The following SUMF1 variants were observed in gnomAD, a reference collection of about 807,000 sequenced individuals.
The protein encoded by SUMF1 is formylglycine-generating enzyme.
Under a neutral mutation model 47.6 loss-of-function variants are expected in SUMF1, and 48 were observed. The observed-to-expected ratio is 1.01, with a 90% CI of 0.80 to 1.28. The LOEUF (loss-of-function observed/expected upper bound fraction) is 1.28. SUMF1 is among the 50% of genes most tolerant of loss of function. The pLI is 0.00. For missense variants in SUMF1, 571 were observed against 485.4 expected (o/e 1.18, Z -1.66); for synonymous variants, 230 against 192.1 (o/e 1.20, Z -1.63).
At chr3:4,465,789 C>G (rs2079929146) in intron 1 of SUMF1, among the ~76,000 whole-genome samples, 1 of 152,150 alleles carries the variant, frequency 6.6e-6, no homozygotes, top group African/African-American at 2.4e-5. Flanking sequence ...GAGACATCAG[C>G]AGAAAAACAT....
In SUMF1 at chr3:4,236,041, C is replaced by G. The variant is rs535153486; in HGVS notation, c.1014+140289G>C. Among the ~76,000 whole-genome samples the G allele has an allele frequency of 7.9e-4, 120 of 151,938 alleles. 1 individual carries two copies. In the South Asian group the frequency reaches 0.024, roughly 31 times the overall value. ...CACCATAACCTCTACCTACCTGTCTCAAGCCATTCCCCTACCTTAGCCCCC... is the reference window on the plus strand; with the variant it reads ...CACCATAACCTCTACCTACCTGTCTGAAGCCATTCCCCTACCTTAGCCCCC... On this transcript the variant is annotated intron_variant and NMD_transcript_variant, in intron 8 of 12. Coordinates refer to the SUMF1 transcript ENST00000448413.
chr3:4,197,737 T>G (rs552401703), intron 8 of SUMF1, among the ~76,000 whole-genome samples: 1 of 152,234 alleles, frequency 6.6e-6, no homozygotes, highest in East Asian at 1.9e-4. Context: ...TCAGTAAACA[T>G]TTATGTCAAA....
chr3:4,273,746 A>AGGGAGGATACGGGAGGGAGGATACGGGAG (rs1697352796), intron 8 of SUMF1, among the ~76,000 whole-genome samples: 1 of 9,680 alleles, frequency 1.0e-4, no homozygotes, highest in East Asian at 1.2e-3. Flanking sequence ...AGGATACGGG[A>AGGGAGGATACGGGAGGGAGGATACGGGAG]GGGAGGATAC....
At chr3:4,457,009 C>CGTGTGTGTATATATATAT (rs1559313221) in intron 1 of SUMF1, among the ~76,000 whole-genome samples, 1 of 64,686 alleles carries the variant, frequency 1.5e-5, no homozygotes, top group African/African-American at 7.6e-5. Context: ...TATATATATA[C>CGTGTGTGTATATATATAT]GTGTGTGTAC....
intron 8 of SUMF1, among the ~76,000 whole-genome samples, chr3:4,170,614 G>A (rs772351274): frequency 1.3e-5 from 2 of 152,142 alleles, no homozygotes; most frequent in African/African-American, 4.8e-5. Flanking sequence ...AGACAGTGTA[G>A]TATTGTCACC....
chr3:4,232,824 AATGCAGGTGTT>A (rs1696330998), intron 8 of SUMF1, among the ~76,000 whole-genome samples: 1 of 152,098 alleles, frequency 6.6e-6, no homozygotes, highest in African/African-American at 2.4e-5. Context: ...ATGGGATTCC[AATGCAGGTGTT>A]ATGCCTGTAC....
In SUMF1 at chr3:4,317,453, C is replaced by T. The variant is rs1361280069; in HGVS notation, c.1014+58877G>A. On this transcript the variant is annotated intron_variant and NMD_transcript_variant, in intron 8 of 12. Coordinates refer to the SUMF1 transcript ENST00000448413. Reference sequence around the variant, plus strand: ...ATCCCAGCACTTTGGGAGGCCCAGGCGGGCAGATCACTTGAGTCCAATTGT... The same window carrying T: ...ATCCCAGCACTTTGGGAGGCCCAGGTGGGCAGATCACTTGAGTCCAATTGT... 34 of 497,878 alleles carry T rather than the reference C, an allele frequency of 6.8e-5. 1 individual carries two copies. Among genetic ancestry groups the T allele is most frequent in the East Asian group, 3.5e-4 (10 of 28,322 alleles). The allele number at this position is 497,878 out of a possible 1,614,324, so 30.8% of individuals were successfully genotyped here. A position where few individuals can be genotyped will look rare whatever the true frequency, so the allele number is the denominator to read the frequency against.
intron 9 of SUMF1, among the ~76,000 whole-genome samples, chr3:4,036,354 G>A (rs560193708): frequency 1.3e-5 from 2 of 152,184 alleles, no homozygotes; most frequent in Admixed American, 1.3e-4. Flanking sequence ...CTCTGCCTGG[G>A]GCAAGAACTC....
intron 8 of SUMF1, among the ~76,000 whole-genome samples, chr3:4,084,021 C>T (rs527398843): frequency 1.1e-4 from 17 of 151,988 alleles, no homozygotes; most frequent in African/African-American, 3.6e-4. Context: ...ATGTTTATTT[C>T]AAGATGGAAT....
intron 8 of SUMF1, among the ~76,000 whole-genome samples, chr3:4,135,628 C>T (rs184320533): frequency 6.6e-6 from 1 of 152,056 alleles, no homozygotes; most frequent in African/African-American, 2.4e-5. Flanking sequence ...TGGCCAGGGC[C>T]ATCAGGCAGA....
intron 8 of SUMF1, among the ~76,000 whole-genome samples, chr3:4,161,475 T>C (rs879349449): frequency 6.6e-6 from 1 of 152,140 alleles, no homozygotes; most frequent in Non-Finnish European, 1.5e-5. Flanking sequence ...ATCTACCTGG[T>C]GCTCTATTCT....
Position 4,151,588 on chromosome 3 carries a change from CAT to C in SUMF1, c.1015-82845_1015-82844del, listed in dbSNP as rs1491064247. On this transcript the variant is annotated intron_variant and NMD_transcript_variant, in intron 8 of 12. Transcript: ENST00000448413. Reference sequence around the variant, plus strand: ...ACACACACACACACACACACACACACATGCAAGTATATAGAGCAGAGGTGTCG... The same window carrying C: ...ACACACACACACACACACACACACACGCAAGTATATAGAGCAGAGGTGTCG... 1.7e-4 allele frequency among the ~76,000 whole-genome samples: 25 copies of C among 143,706 alleles called. No homozygotes were observed. In the South Asian group the frequency reaches 2.4e-3, roughly 14 times the overall value. 94.3% of individuals were successfully genotyped at this position (143,706 alleles called of 152,430 possible).
intron 9 of SUMF1, among the ~76,000 whole-genome samples, chr3:4,036,970 T>C (rs1987888): frequency 0.57 from 85,974 of 151,334 alleles, 25,506 homozygotes; most frequent in East Asian, 0.72. Flanking sequence ...GGCTTCAGAG[T>C]ATGAAGATGA....
intron 9 of SUMF1, among the ~76,000 whole-genome samples, chr3:4,066,189 C>T (rs768899906): frequency 4.6e-5 from 7 of 151,798 alleles, no homozygotes; most frequent in Non-Finnish European, 8.8e-5. Context: ...CCATCATTTA[C>T]TGTTATTTTT....
chr3:4,445,657 TAAA>T, intron 3 of SUMF1, among the ~76,000 whole-genome samples: 1 of 152,218 alleles, frequency 6.6e-6, no homozygotes, highest in East Asian at 1.9e-4. Context: ...AAAATATATT[TAAA>T]TCCATGAGTT....
At chr3:4,313,816 T>A in intron 8 of SUMF1, 1 of 1,605,298 alleles carries the variant, frequency 6.2e-7, no homozygotes, top group Non-Finnish European at 8.5e-7. Context: ...AAGACAGTGG[T>A]TGGCTAGCTT....
intron 3 of SUMF1, among the ~76,000 whole-genome samples, chr3:4,427,594 A>G (rs1431607969): frequency 1.3e-5 from 2 of 152,246 alleles, no homozygotes; most frequent in African/African-American, 2.4e-5. Flanking sequence ...TGATGACTTA[A>G]TAGACTGCAT....
At chr3:4,363,132 A>C (rs1699824538) in intron 8 of SUMF1, among the ~76,000 whole-genome samples, 1 of 152,210 alleles carries the variant, frequency 6.6e-6, no homozygotes, top group Non-Finnish European at 1.5e-5. Context: ...AATATATATT[A>C]ATTTTTGAAA....
At chr3:4,369,750 T>C (rs145176575) in intron 8 of SUMF1, among the ~76,000 whole-genome samples, 1 of 152,224 alleles carries the variant, frequency 6.6e-6, no homozygotes, top group East Asian at 1.9e-4. Context: ...GGAAGTCTAG[T>C]ATGGGGCCCA....
Sources: allele counts gnomAD v4.1 joint callset (sites outside exome capture counted in the v4.1 genomes callset), GRCh38; gene constraint gnomAD v4.1.1; transcripts MANE v1.5; gene names NCBI Gene and HGNC (gene_info 2026-07-23, HGNC 2026-07-21).